UBA6: variants seen among roughly 807,000 people sequenced by gnomAD.
The protein encoded by UBA6 is ubiquitin-like modifier-activating enzyme 6.
In UBA6, 87 loss-of-function variants were observed where a neutral mutation model predicts 148.3. That is an observed-to-expected ratio of 0.59 (90% CI 0.49 to 0.70). The LOEUF is 0.70. Among genes scored for constraint, UBA6 ranks in the 30% least tolerant of loss-of-function variants. UBA6 has a pLI of 0.00. For missense variants in UBA6, 1,186 were observed against 1,241.2 expected, an observed-to-expected ratio of 0.96 and a Z score of 0.67; for synonymous variants, 376 against 401.0, an observed-to-expected ratio of 0.94 and a Z score of 0.75.
intron 13 of UBA6, chr4:67,661,959 G>A: frequency 2.2e-6 from 1 of 447,142 alleles, no homozygotes; most frequent in Non-Finnish European, 3.9e-6. Context: ...ATGTCACATG[G>A]CATTTCTAAG....
At chr4:67,686,701 CA>C (rs1474774819) in intron 2 of UBA6, among the ~76,000 whole-genome samples, 3 of 151,726 alleles carry the variant, frequency 2.0e-5, no homozygotes, top group Admixed American at 2.0e-4. Flanking sequence ...CCTGTAATCC[CA>C]GCAATTTGGG....
chr4:67,622,190 A>G (rs556757993), intron 32 of UBA6, among the ~76,000 whole-genome samples: 4 of 152,344 alleles, frequency 2.6e-5, no homozygotes, highest in South Asian at 2.1e-4. Flanking sequence ...AGACCACGAT[A>G]AAGACTTTAG....
At chr4:67,697,627 G>T (rs1031503319) in intron 1 of UBA6, among the ~76,000 whole-genome samples, 2 of 152,204 alleles carry the variant, frequency 1.3e-5, no homozygotes, top group African/African-American at 4.8e-5. Flanking sequence ...GGTTGGGCCT[G>T]AAATCTAGGG....
intron 2 of UBA6, among the ~76,000 whole-genome samples, chr4:67,686,620 G>C (rs1730569419): frequency 6.6e-6 from 1 of 152,032 alleles, no homozygotes; most frequent in African/African-American, 2.4e-5. Flanking sequence ...ATGAAAGTTG[G>C]AGTGAGAAGA....
At chr4:67,651,624 T>C (rs1456741117) in intron 13 of UBA6, among the ~76,000 whole-genome samples, 1 of 152,020 alleles carries the variant, frequency 6.6e-6, no homozygotes, top group East Asian at 1.9e-4. Flanking sequence ...ATGAAACATA[T>C]AAAAACTCAG....
intron 29 of UBA6, among the ~76,000 whole-genome samples, 164 bp from the exon 30 acceptor site, chr4:67,624,417 T>C (rs1272610794): frequency 1.3e-5 from 2 of 152,164 alleles, no homozygotes; most frequent in African/African-American, 2.4e-5. Context: ...TGTATACTTT[T>C]AGTATATTTT....
At chr4:67,648,950 T>G (rs989596057) in intron 14 of UBA6, 118 bp downstream of exon 14, 3 of 1,061,812 alleles carry the variant, frequency 2.8e-6, no homozygotes, top group Middle Eastern at 3.1e-4. Flanking sequence ...CTTGCATCTC[T>G]TTCATGCATC....
chr4:67,646,471 T>C lies in UBA6; in HGVS notation c.1316+253A>G, dbSNP rs897924478. ...TAAAGACTGCAGATAGCAGTTTTTT[T>C]CCATCTAATGTCATTATGGTATTTT... On this transcript the variant is annotated intron_variant, in intron 15 of 32. Coordinates refer to ENST00000322244, the MANE Select transcript of UBA6 (RefSeq NM_018227.6). Among the ~76,000 whole-genome samples, 12 of 152,348 alleles carry C rather than the reference T, an allele frequency of 7.9e-5. No homozygotes were observed. The East Asian group carries it at 1.7e-3, about 22-fold the overall frequency.
Position 67,626,580 on chromosome 4 carries a change from T to C in UBA6, c.2401-103A>G, listed in dbSNP as rs951943595. On this transcript the variant is annotated intron_variant, in intron 27 of 32. Transcript: ENST00000322244. ...AATTACAAAGAGAAAATATTTTCTC[T>C]ATATATTTTGATCAGATTATTAATC... The C allele has an allele frequency of 8.2e-6, 6 of 735,760 alleles. No homozygotes were observed. In the African/African-American group the frequency reaches 1.1e-4, roughly 13 times the overall value. The allele number at this position is 735,760 out of a possible 1,614,324, so 45.6% of individuals were successfully genotyped here. A position where few individuals can be genotyped will look rare whatever the true frequency, so the allele number is the denominator to read the frequency against.
chr4:67,678,504 G>A lies in UBA6; in HGVS notation c.288C>T (p.Cys96=). Residue 96 remains cysteine (C), a synonymous_variant, in exon 5 of 33, where the codon TGC becomes TGT. Transcript: ENST00000322244. ...AGTTGGTTCCTAGATCCCATGCTTG[G>A]CATTTTTCTGTATCATGAATTGTAA... ...KAVTIHDTEK[C]QAWDLGTNFF... is the part of the protein sequence containing the mutation. 2 of 1,592,598 alleles carry A rather than the reference G, an allele frequency of 1.3e-6. No individual in the cohort carries two copies. The highest frequency in any genetic ancestry group is 8.6e-7 in the Non-Finnish European group (1 of 1,167,486).
intron 20 of UBA6, among the ~76,000 whole-genome samples, chr4:67,634,807 T>G (rs1729097267): frequency 6.6e-6 from 1 of 152,106 alleles, no homozygotes; most frequent in African/African-American, 2.4e-5. Context: ...ATAAATCATT[T>G]TTTTCCTCAT....
chr4:67,624,245 C>T lies in UBA6; in HGVS notation c.2721G>A (p.Leu907=), dbSNP rs1423650776. 3 of 1,601,322 alleles carry T rather than the reference C, an allele frequency of 1.9e-6. No homozygotes were observed. In the African/African-American group the frequency reaches 4.1e-5, roughly 22 times the overall value. Residue 907 remains leucine, a synonymous_variant, in exon 30 of 33, where the codon TTG becomes TTA. Transcript: ENST00000322244. The part of the protein sequence containing the change: ...TTATVSGLVA[L]EMIKVTGGYP... ...AGCCACCAGTTACTTTGATCATCTC[C>T]AAGGCAACCTAGATAAAAGAAGGTG... is the stretch of plus-strand genomic sequence containing the variant.
Position 67,638,966 on chromosome 4 carries a change from C to G in UBA6, c.1713G>C (p.Val571=), listed in dbSNP as rs1439043802. ...ACCTGTCTACGTATCTCCTGGCTTC[C>G]ACATTATCTAATGCTGTAATAATTA... ...QDVIITALDN[V]EARRYVDSRC... is the part of the protein sequence containing the mutation. The change falls in exon 19 of 33, where the codon GTG becomes GTC. Residue 571 remains valine, a synonymous_variant. Transcript: ENST00000322244. 6.2e-7 allele frequency: 1 copy of G among 1,608,044 alleles called. No individual in the cohort carries two copies. Among genetic ancestry groups the G allele is most frequent in the Admixed American group, 1.7e-5 (1 of 59,304 alleles).
At chr4:67,652,818 G>A (rs528866218) in intron 13 of UBA6, among the ~76,000 whole-genome samples, 6 of 152,190 alleles carry the variant, frequency 3.9e-5, no homozygotes, top group African/African-American at 9.6e-5. Flanking sequence ...GTACACTTCC[G>A]CCCAAATACT....
At chr4:67,654,212 A>G (rs752465659) in intron 13 of UBA6, among the ~76,000 whole-genome samples, 8 of 152,196 alleles carry the variant, frequency 5.3e-5, no homozygotes, top group Non-Finnish European at 1.0e-4. Flanking sequence ...CCTCGAGAAG[A>G]GCAACCCCAA....
intron 7 of UBA6, among the ~76,000 whole-genome samples, chr4:67,672,128 A>G (rs965844885): frequency 2.6e-5 from 4 of 151,802 alleles, no homozygotes; most frequent in African/African-American, 7.3e-5. Context: ...CCTCTACTCT[A>G]CTCTTATAAT....
chr4:67,652,314 G>A (rs1382086809), intron 13 of UBA6, among the ~76,000 whole-genome samples: 1 of 152,246 alleles, frequency 6.6e-6, no homozygotes. Flanking sequence ...GAAGACATAT[G>A]AATGGCAAAT....
At chr4:67,685,609 G>A (rs1369315664) in intron 2 of UBA6, among the ~76,000 whole-genome samples, 1 of 152,232 alleles carries the variant, frequency 6.6e-6, no homozygotes, top group East Asian at 1.9e-4. Context: ...CGGAGTTTGT[G>A]TGTTGGAAAC....
At chr4:67,683,069 T>A (rs2109951897) in intron 2 of UBA6, among the ~76,000 whole-genome samples, 1 of 152,298 alleles carries the variant, frequency 6.6e-6, no homozygotes, top group East Asian at 1.9e-4. Flanking sequence ...ACAAGCTATC[T>A]TTATTTCCTT....
Sources: gnomAD v4.1 joint callset for allele counts (sites outside exome capture counted in the v4.1 genomes callset) on GRCh38, gnomAD v4.1.1 for gene constraint, MANE v1.5 for transcripts, NCBI Gene and HGNC (gene_info 2026-07-23, HGNC 2026-07-21) for gene names.